Variants in ZC3H12B observed in about 807,000 individuals in gnomAD.
The protein encoded by ZC3H12B is probable ribonuclease ZC3H12B.
ZC3H12B carries 7 observed loss-of-function variants against 43.9 expected under a neutral mutation model. That is an observed-to-expected ratio of 0.16 (90% CI 0.09 to 0.30). The LOEUF (loss-of-function observed/expected upper bound fraction) is 0.30, where lower values mean the gene tolerates loss of function less well. Ranked by LOEUF, ZC3H12B falls within the 10% of genes least tolerant of loss-of-function variation. The pLI, the probability that ZC3H12B is intolerant of heterozygous loss-of-function variation, is 1.00. For synonymous variants in ZC3H12B, 222 were observed against 241.7 expected, an observed-to-expected ratio of 0.92 and a Z score of 0.76; for missense variants, 475 against 670.2, an observed-to-expected ratio of 0.71 and a Z score of 3.22.
Position 65,412,616 on chromosome X carries a change from C to A in ZC3H12B, n.407+13912C>A, listed in dbSNP as rs186805760. 4.5e-3 allele frequency among the ~76,000 whole-genome samples: 497 copies of A among 110,756 alleles called. 4 individuals carry two copies. The highest frequency in any genetic ancestry group is 0.016 in the African/African-American group (478 of 30,419). ...CCAAGTAGCTGGGACTGCGGGAATACACCACCACATCCAGCTAATTTTTGT... is the reference window on the plus strand; with the variant it reads ...CCAAGTAGCTGGGACTGCGGGAATAAACCACCACATCCAGCTAATTTTTGT... On this transcript the variant is annotated intron_variant and non_coding_transcript_variant, in intron 3 of 5. Coordinates refer to the ZC3H12B transcript ENST00000617377.
At chrX:65,488,956 A>T in exon 1 of ZC3H12B, 1 of 1,211,131 alleles carries the variant, frequency 8.3e-7, no homozygotes, top group African/African-American at 1.7e-5. Flanking sequence ...ATAAGCCTTA[A>T]GAGTAGCGAC....
chrX:65,054,606 T>C, the ZC3H12B span, among the ~76,000 whole-genome samples: 1 of 112,096 alleles, frequency 8.9e-6, no homozygotes, highest in African/African-American at 3.2e-5. Flanking sequence ...TAAATTAGTT[T>C]ATTCCAATTC....
the ZC3H12B span, among the ~76,000 whole-genome samples, chrX:65,308,803 A>G: frequency 0.23 from 25,206 of 111,499 alleles, 6,900 homozygotes; most frequent in African/African-American, 0.78. Flanking sequence ...AGACCACAGA[A>G]CAATCAAATT....
At chrX:65,342,471 C>T in the ZC3H12B span, among the ~76,000 whole-genome samples, 167 of 112,135 alleles carry the variant, frequency 1.5e-3, 4 homozygotes, top group East Asian at 0.045. Flanking sequence ...TCTTGGAACA[C>T]AGCACAATAT....
rs1463265393 is a variant in ZC3H12B, at chrX:65,497,307, A to G, written c.748+36A>G. 5 of 1,160,573 alleles carry G rather than the reference A, an allele frequency of 4.3e-6. No individual in the cohort carries two copies. The African/African-American group carries it at 8.9e-5, about 21-fold the overall frequency. On this transcript the variant is annotated intron_variant, in intron 2 of 4. Transcript: ENST00000338957. The stretch of plus-strand genomic sequence containing the variant: ...AAATAAGACATTTCTTCTCATCTAG[A>G]GGCAAATCTGGAAAGATAGTTTGGG...
At chrX:65,465,810 T>G (rs1010534012) in intron 3 of ZC3H12B, among the ~76,000 whole-genome samples, 10 of 110,770 alleles carry the variant, frequency 9.0e-5, no homozygotes, top group Non-Finnish European at 1.9e-4. Context: ...TTAACATCTT[T>G]TATTTTTTCC....
intron 2 of ZC3H12B, among the ~76,000 whole-genome samples, chrX:65,392,540 G>A (rs532602664): frequency 1.3e-4 from 14 of 111,031 alleles, no homozygotes; most frequent in South Asian, 3.8e-4. Context: ...TAGCCACCCC[G>A]TCTGGGAGGT....
chrX:65,319,455 A>C, the ZC3H12B span, among the ~76,000 whole-genome samples: 1 of 111,303 alleles, frequency 9.0e-6, no homozygotes, highest in Non-Finnish European at 1.9e-5. Context: ...CCAGAAAAAA[A>C]CACAGGCCTA....
Position 65,507,488 on chromosome X carries a change from C to T in ZC3H12B, c.*4279C>T, listed in dbSNP as rs934352457. 2.7e-5 allele frequency: 3 copies of T among 112,368 alleles called. No homozygotes were observed. The Admixed American group carries it at 2.8e-4, about 11-fold the overall frequency. The allele number at this position is 112,368 out of a possible 1,213,427, so 9.3% of individuals were successfully genotyped here. A position where few individuals can be genotyped will look rare whatever the true frequency, so the allele number is the denominator to read the frequency against. Reference sequence around the variant, plus strand: ...TCAATATCTATTGTATGGTAGCTAGCTATATACATAGATTGACTATTTTTA... The same window carrying T: ...TCAATATCTATTGTATGGTAGCTAGTTATATACATAGATTGACTATTTTTA... On this transcript the variant is annotated 3_prime_UTR_variant, in exon 5 of 5. Transcript: ENST00000338957.
chrX:65,156,659 G>A, the ZC3H12B span, among the ~76,000 whole-genome samples: 2 of 111,124 alleles, frequency 1.8e-5, no homozygotes, highest in African/African-American at 3.3e-5. Flanking sequence ...GGGATTACAG[G>A]CATGAGCCAC....
At chrX:65,458,603 A>G (rs911769940) in intron 3 of ZC3H12B, among the ~76,000 whole-genome samples, 28 of 112,160 alleles carry the variant, frequency 2.5e-4, no homozygotes, top group African/African-American at 9.1e-4. Context: ...CTGCTCCTGA[A>G]TGACTACTGG....
At chrX:65,189,188 G>T in the ZC3H12B span, among the ~76,000 whole-genome samples, 1 of 105,157 alleles carries the variant, frequency 9.5e-6, no homozygotes, top group Non-Finnish European at 1.9e-5. Context: ...TCTTAATCCA[G>T]TCTATCATTG....
the ZC3H12B span, among the ~76,000 whole-genome samples, chrX:65,235,946 G>A: frequency 1.8e-5 from 2 of 111,874 alleles, no homozygotes; most frequent in Non-Finnish European, 3.8e-5. Flanking sequence ...ATTTTATTGA[G>A]CAACAGAAGG....
the ZC3H12B span, among the ~76,000 whole-genome samples, chrX:65,196,131 C>T: frequency 9.4e-6 from 1 of 106,090 alleles, no homozygotes; most frequent in Non-Finnish European, 2.0e-5. Flanking sequence ...TCCCCCCACC[C>T]CCCGCAGCTA....
chrX:65,103,044 CATCTT>C, the ZC3H12B span, among the ~76,000 whole-genome samples: 2 of 111,450 alleles, frequency 1.8e-5, no homozygotes, highest in Middle Eastern at 4.2e-3. Context: ...TCATTGATAA[CATCTT>C]ATCAGGAGAC....
intron 3 of ZC3H12B, among the ~76,000 whole-genome samples, chrX:65,438,625 A>G (rs770381710): frequency 1.0e-3 from 113 of 113,076 alleles, no homozygotes; most frequent in Admixed American, 8.5e-3. Context: ...ACCAGTCATT[A>G]GCATTGTTTC....
the ZC3H12B span, among the ~76,000 whole-genome samples, chrX:65,337,165 C>T: frequency 6.3e-5 from 7 of 111,414 alleles, no homozygotes; most frequent in Non-Finnish European, 1.3e-4. Flanking sequence ...ATTCTTTACC[C>T]AGGTACCCCA....
chrX:65,365,132 C>A (rs1307314583), upstream of ZC3H12B, among the ~76,000 whole-genome samples: 2 of 110,949 alleles, frequency 1.8e-5, no homozygotes, highest in Non-Finnish European at 3.8e-5. Context: ...CCTTCATACC[C>A]CTTACCATCC....
the ZC3H12B span, among the ~76,000 whole-genome samples, chrX:65,249,448 T>G: frequency 8.9e-6 from 1 of 112,338 alleles, no homozygotes; most frequent in Non-Finnish European, 1.9e-5. Context: ...ACATGCTGTT[T>G]TGGTGACTAT....
Sources: gnomAD v4.1 joint callset for allele counts (sites outside exome capture counted in the v4.1 genomes callset) on GRCh38, gnomAD v4.1.1 for gene constraint, MANE v1.5 for transcripts, NCBI Gene and HGNC (gene_info 2026-07-23, HGNC 2026-07-21) for gene names.